The following ZNF638 variants were observed in gnomAD, a reference collection of about 807,000 sequenced individuals.
The protein encoded by ZNF638 is CTCL tumor antigen se33-1.
In ZNF638, 46 loss-of-function variants were observed where a neutral mutation model predicts 195.6. The observed-to-expected ratio is 0.24, with a 90% CI of 0.19 to 0.30. The LOEUF (loss-of-function observed/expected upper bound fraction) is 0.30, where lower values mean the gene tolerates loss of function less well. Among genes scored for constraint, ZNF638 ranks in the 10% least tolerant of loss-of-function variants. ZNF638 has a pLI of 1.00. For missense variants in ZNF638, 2,440 were observed against 2,325.3 expected (o/e 1.05, Z -1.01); for synonymous variants, 845 against 772.0 (o/e 1.09, Z -1.57).
chr2:71,344,385 GA>G (rs2104138136), intron 1 of ZNF638, among the ~76,000 whole-genome samples: 1 of 152,308 alleles, frequency 6.6e-6, no homozygotes, highest in African/African-American at 2.4e-5. Context: ...TATAATTGCA[GA>G]AGCATGAAAA....
intron 1 of ZNF638, among the ~76,000 whole-genome samples, chr2:71,339,324 T>C (rs2078725560): frequency 6.6e-6 from 1 of 152,040 alleles, no homozygotes; most frequent in Non-Finnish European, 1.5e-5. Context: ...GGCTAATTTT[T>C]ATATTTTTAG....
chr2:71,385,158 G>C (rs2079611320), intron 10 of ZNF638, among the ~76,000 whole-genome samples: 1 of 152,166 alleles, frequency 6.6e-6, no homozygotes, highest in Non-Finnish European at 1.5e-5. Context: ...TGAGTATGTA[G>C]AGAAACTCAT....
intron 21 of ZNF638, among the ~76,000 whole-genome samples, chr2:71,419,132 G>T (rs905839687): frequency 6.6e-6 from 1 of 152,164 alleles, no homozygotes; most frequent in African/African-American, 2.4e-5. Context: ...TCAGAGGAAT[G>T]AAAGCTTGTT....
Position 71,349,722 on chromosome 2 carries a change from T to C in ZNF638, c.768T>C (p.Asn256=). The change falls in exon 2 of 28, where the codon AAT becomes AAC. Residue 256 remains asparagine (N), a synonymous_variant. Coordinates refer to ENST00000264447, the MANE Select transcript of ZNF638 (RefSeq NM_014497.5). The part of the protein sequence containing the change: ...QNISASVPNP[N]VICNSMFPVE... ...TTTCTGCATCTGTTCCCAATCCAAA[T>C]GTGATATGTAATTCTATGTTTCCTG... The C allele has an allele frequency of 6.2e-7, 1 of 1,614,202 alleles. No individual in the cohort carries two copies. The highest frequency in any genetic ancestry group is 8.5e-7 in the Non-Finnish European group (1 of 1,180,038).
intron 7 of ZNF638, among the ~76,000 whole-genome samples, chr2:71,369,642 T>A (rs1445209013): frequency 6.6e-6 from 1 of 152,226 alleles, no homozygotes. Flanking sequence ...TCCATGAGCC[T>A]GCCTGGATTT....
chr2:71,338,130 TC>T (rs1038192595), intron 1 of ZNF638, among the ~76,000 whole-genome samples: 12 of 152,106 alleles, frequency 7.9e-5, no homozygotes, highest in African/African-American at 2.9e-4. Context: ...AGTGCTTGTT[TC>T]CCCCCACTCC....
In ZNF638 at chr2:71,427,174, A is replaced by G. The variant is rs2080556270; in HGVS notation, c.5305A>G (p.Lys1769Glu). ...CTCTCTGGCGGATTTTAACAACCTTAAAGAAGAGCTTAATTTTGTTACTGT... is the reference window on the plus strand; with the variant it reads ...CTCTCTGGCGGATTTTAACAACCTTGAAGAAGAGCTTAATTTTGTTACTGT... ...EDSLADFNNL[K>E]EELNFVTVDE... The change falls in exon 24 of 28, where the codon AAA (lysine) becomes GAA (glutamate). Residue 1769 changes from lysine to glutamate, a missense_variant. Coordinates refer to ENST00000264447, the MANE Select transcript of ZNF638 (RefSeq NM_014497.5). 1.9e-6 allele frequency: 3 copies of G among 1,611,702 alleles called. No homozygotes were observed. The highest frequency in any genetic ancestry group is 2.2e-5 in the East Asian group (1 of 44,854).
intron 26 of ZNF638, among the ~76,000 whole-genome samples, 162 bp downstream of exon 26, chr2:71,431,590 A>T (rs370933077): frequency 6.6e-6 from 1 of 152,128 alleles, no homozygotes; most frequent in African/African-American, 2.4e-5. Flanking sequence ...AAACCCCGTC[A>T]GTACTAAAAG....
At chr2:71,338,647 G>C (rs1157654465) in intron 1 of ZNF638, among the ~76,000 whole-genome samples, 1 of 152,032 alleles carries the variant, frequency 6.6e-6, no homozygotes, top group East Asian at 1.9e-4. Context: ...TACATAAATC[G>C]TTTTTTATTT....
chr2:71,421,277 T>C lies in ZNF638; in HGVS notation c.3300-1537T>C, dbSNP rs544602760. On this transcript the variant is annotated intron_variant, in intron 21 of 27. Coordinates refer to ENST00000264447, the MANE Select transcript of ZNF638 (RefSeq NM_014497.5). ...TGTCACTGCTCTTTTCTGGTTGTGC[T>C]TTGCCACAAATTTTATTGTGAATTG... Among the ~76,000 whole-genome samples the C allele has an allele frequency of 3.9e-5, 6 of 152,300 alleles. No individual in the cohort carries two copies. In the South Asian group the frequency reaches 1.2e-3, roughly 32 times the overall value.
At chr2:71,398,846 G>T (rs6740696) in intron 12 of ZNF638, 74 bp downstream of exon 12, 1 of 1,314,896 alleles carries the variant, frequency 7.6e-7, no homozygotes, top group East Asian at 2.3e-5. Flanking sequence ...ATAATTTTTA[G>T]CATCTAATAC....
intron 20 of ZNF638, among the ~76,000 whole-genome samples, chr2:71,410,991 C>T (rs1217539197): frequency 2.2e-5 from 1 of 45,298 alleles, no homozygotes; most frequent in Non-Finnish European, 5.0e-5. Context: ...CCTCCCCCCC[C>T]CTTTTTTTTT....
At chr2:71,365,820 A>G (rs1573055577) in intron 6 of ZNF638, 114 bp downstream of exon 6, 1 of 1,034,954 alleles carries the variant, frequency 9.7e-7, no homozygotes, top group Non-Finnish European at 1.4e-6. Flanking sequence ...CCTGGGCTCA[A>G]GTGATCCTCC....
intron 7 of ZNF638, among the ~76,000 whole-genome samples, chr2:71,368,929 AAAAC>A (rs1186379567): frequency 6.6e-6 from 1 of 152,250 alleles, no homozygotes; most frequent in Non-Finnish European, 1.5e-5. Context: ...AGATAATACT[AAAAC>A]AAATTATTTC....
At position 71,401,248 on chromosome 2, in the gene ZNF638, T is replaced by C. The variant is rs140211622; in HGVS notation, c.2698-708T>C. Among the ~76,000 whole-genome samples, 942 of 152,236 alleles carry C rather than the reference T, an allele frequency of 6.2e-3. 6 individuals carry two copies. Among genetic ancestry groups the C allele is most frequent in the African/African-American group, 0.02 (823 of 41,532 alleles). ...GCCAAGTTGACTATAGCACATCATC[T>C]TTAGAAATTTTCCCAGTAAGCATGA... On this transcript the variant is annotated intron_variant, in intron 15 of 27. Transcript: ENST00000264447.
rs1256395501 is a variant in ZNF638, at chr2:71,424,048, G to T, written c.4524+10G>T. 1.9e-6 allele frequency: 3 copies of T among 1,608,984 alleles called. No individual in the cohort carries two copies. The highest frequency in any genetic ancestry group is 3.4e-5 in the Admixed American group (2 of 59,664). ...TGACAGCAACAATAAGGTGAGGAGG[G>T]TAGGAAGAATGGCACAGTGTGTCTT... On this transcript the variant is annotated intron_variant, in intron 22 of 27. Transcript: ENST00000264447.
intron 3 of ZNF638, chr2:71,361,803 G>A (rs1386027749): frequency 1.3e-5 from 1 of 79,878 alleles, no homozygotes; most frequent in East Asian, 3.4e-4. Context: ...TAGTGGGAAA[G>A]CAAATATTTA....
chr2:71,362,931 G>A (rs903485029), intron 3 of ZNF638, among the ~76,000 whole-genome samples: 3 of 151,976 alleles, frequency 2.0e-5, no homozygotes, highest in East Asian at 1.9e-4. Flanking sequence ...TATGCTGGCC[G>A]GTTTACTTAA....
At chr2:71,389,864 C>T (rs1279649497) in intron 10 of ZNF638, among the ~76,000 whole-genome samples, 1 of 152,150 alleles carries the variant, frequency 6.6e-6, no homozygotes, top group Admixed American at 6.5e-5. Flanking sequence ...ACGTCGACTG[C>T]CAACAAGCAA....
Sources: allele counts gnomAD v4.1 joint callset (sites outside exome capture counted in the v4.1 genomes callset), GRCh38; gene constraint gnomAD v4.1.1; transcripts MANE v1.5; gene names NCBI Gene and HGNC (gene_info 2026-07-23, HGNC 2026-07-21).